NT5DC1: variants seen among roughly 807,000 people sequenced by gnomAD.
The protein encoded by NT5DC1 is 5'-nucleotidase domain-containing protein 1.
A neutral mutation model predicts 59.4 loss-of-function variants in NT5DC1; 42 were observed. That is an observed-to-expected ratio of 0.71 (90% CI 0.55 to 0.92). NT5DC1 has a LOEUF of 0.92. NT5DC1 is among the 40% of genes least tolerant of loss of function. The pLI, the probability that NT5DC1 is intolerant of heterozygous loss-of-function variation, is 0.00. For synonymous variants in NT5DC1, 172 were observed against 188.1 expected, an observed-to-expected ratio of 0.91 and a Z score of 0.70; for missense variants, 501 against 537.1, an observed-to-expected ratio of 0.93 and a Z score of 0.66.
chr6:116,237,842 C>G (rs112450364), intron 9 of NT5DC1, among the ~76,000 whole-genome samples: 2 of 152,192 alleles, frequency 1.3e-5, no homozygotes, highest in African/African-American at 2.4e-5. Context: ...AATACCTCAC[C>G]AGCTCTTCAA....
At chr6:116,111,039 C>A (rs1778866612) in intron 4 of NT5DC1, 83 bp downstream of exon 4, 3 of 888,340 alleles carry the variant, frequency 3.4e-6, no homozygotes, top group Non-Finnish European at 5.4e-6. Flanking sequence ...CAAAGAAGAC[C>A]CCCCTTTCCC....
intron 6 of NT5DC1, among the ~76,000 whole-genome samples, chr6:116,199,170 T>G (rs1468738256): frequency 2.6e-5 from 4 of 152,040 alleles, no homozygotes; most frequent in Non-Finnish European, 5.9e-5. Context: ...AAAATATCTT[T>G]CCATGAAAGA....
chr6:116,175,324 A>AT (rs1490463403), intron 6 of NT5DC1, among the ~76,000 whole-genome samples: 7 of 151,816 alleles, frequency 4.6e-5, no homozygotes. Context: ...TATTACTCAC[A>AT]TTTTTTCTCT....
At chr6:116,118,216 T>C in intron 6 of NT5DC1, 2 of 420,724 alleles carry the variant, frequency 4.8e-6, no homozygotes, top group Non-Finnish European at 8.6e-6. Context: ...TCCCTAGAAT[T>C]GAAGTCCAGT....
chr6:116,160,982 A>G (rs1472467617), intron 6 of NT5DC1, among the ~76,000 whole-genome samples: 1 of 151,988 alleles, frequency 6.6e-6, no homozygotes, highest in Non-Finnish European at 1.5e-5. Context: ...AAAATGTGGC[A>G]CATATACACC....
chr6:116,242,142 G>A (rs999265468), intron 11 of NT5DC1, among the ~76,000 whole-genome samples: 2 of 151,710 alleles, frequency 1.3e-5, no homozygotes, highest in African/African-American at 2.4e-5. Flanking sequence ...AGGCGGAGGC[G>A]GGCGGATCAC....
intron 6 of NT5DC1, among the ~76,000 whole-genome samples, chr6:116,162,655 GT>G (rs1360076158): frequency 1.3e-5 from 2 of 152,138 alleles, no homozygotes; most frequent in African/African-American, 4.8e-5. Context: ...TCTTTTTGAT[GT>G]GCTGTTGGAT....
At chr6:116,143,104 TA>T (rs1182385184) in intron 6 of NT5DC1, among the ~76,000 whole-genome samples, 6 of 152,330 alleles carry the variant, frequency 3.9e-5, no homozygotes, top group Non-Finnish European at 7.3e-5. Context: ...TTAGAAATAA[TA>T]TTAAAATGCC....
chr6:116,109,409 A>G (rs1030364693), intron 3 of NT5DC1, among the ~76,000 whole-genome samples: 4 of 152,206 alleles, frequency 2.6e-5, no homozygotes, highest in South Asian at 2.1e-4. Context: ...AGCTTTGTCT[A>G]TGACCTTTAA....
chr6:116,125,301 C>G (rs774301704), intron 6 of NT5DC1: 35 of 1,598,222 alleles, frequency 2.2e-5, no homozygotes, highest in Non-Finnish European at 2.8e-5. Flanking sequence ...AAGCAACAAG[C>G]AACTTGTTAA....
At position 116,120,017 on chromosome 6, in the gene NT5DC1, G is replaced by T. The variant is rs1779059917; in HGVS notation, c.529+2072G>T. ...CCTCCATATGCATTTTGTAGGGTGG[G>T]GTAGAGTTAGAGAATGCTTTTTCTA... is the stretch of plus-strand genomic sequence containing the variant. On this transcript the variant is annotated intron_variant, in intron 6 of 11. Coordinates refer to ENST00000319550, the MANE Select transcript of NT5DC1 (RefSeq NM_152729.3). 24 of 1,415,144 alleles carry T rather than the reference G, an allele frequency of 1.7e-5. 1 individual carries two copies. The South Asian group carries it at 2.7e-4, about 16-fold the overall frequency. The allele number at this position is 1,415,144 out of a possible 1,614,324, so 87.7% of individuals were successfully genotyped here.
chr6:116,137,808 G>A (rs1331006665), intron 6 of NT5DC1, among the ~76,000 whole-genome samples: 2 of 152,148 alleles, frequency 1.3e-5, no homozygotes, highest in Non-Finnish European at 2.9e-5. Flanking sequence ...TTGGCCGGAC[G>A]CACTGGCTTA....
At chr6:116,170,552 G>C (rs141331917) in intron 6 of NT5DC1, among the ~76,000 whole-genome samples, 1 of 152,116 alleles carries the variant, frequency 6.6e-6, no homozygotes, top group Non-Finnish European at 1.5e-5. Context: ...CTCATAATAA[G>C]TAATCAGTGC....
chr6:116,118,874 G>C (rs965568509), intron 6 of NT5DC1: 2 of 152,182 alleles, frequency 1.3e-5, no homozygotes, highest in East Asian at 3.9e-4. Flanking sequence ...GAATAAAGAT[G>C]CATCACCAAT....
intron 8 of NT5DC1, among the ~76,000 whole-genome samples, chr6:116,233,979 T>TG (rs1782066078): frequency 7.3e-6 from 1 of 136,258 alleles, no homozygotes; most frequent in Non-Finnish European, 1.5e-5. Context: ...TTATAACTGT[T>TG]TTTTTTTTTT....
chr6:116,181,337 T>C (rs2114474323), intron 6 of NT5DC1, among the ~76,000 whole-genome samples: 1 of 152,144 alleles, frequency 6.6e-6, no homozygotes, highest in South Asian at 2.1e-4. Context: ...ATTAGCAAAT[T>C]CAGAATATAT....
At chr6:116,111,088 A>G in intron 4 of NT5DC1, 132 bp downstream of exon 4, 2 of 628,552 alleles carry the variant, frequency 3.2e-6, no homozygotes, top group Non-Finnish European at 5.6e-6. Flanking sequence ...CTTCAGCTTT[A>G]TAGCAATAGG....
intron 5 of NT5DC1, among the ~76,000 whole-genome samples, 199 bp downstream of exon 5, chr6:116,115,969 T>C (rs1562119635): frequency 6.6e-6 from 1 of 152,064 alleles, no homozygotes; most frequent in Non-Finnish European, 1.5e-5. Flanking sequence ...TTTTTTTCTC[T>C]CAGGAAAAAT....
intron 8 of NT5DC1, among the ~76,000 whole-genome samples, chr6:116,235,486 A>G (rs1782097957): frequency 6.6e-6 from 1 of 152,218 alleles, no homozygotes; most frequent in Non-Finnish European, 1.5e-5. Flanking sequence ...TATTGAACAT[A>G]AGCTGCTAGC....
Sources: gnomAD v4.1 joint callset for allele counts (sites outside exome capture counted in the v4.1 genomes callset) on GRCh38, gnomAD v4.1.1 for gene constraint, MANE v1.5 for transcripts, NCBI Gene and HGNC (gene_info 2026-07-23, HGNC 2026-07-21) for gene names.